Variants in GLYR1 observed in about 807,000 individuals in gnomAD.
GLYR1 encodes the protein glyoxylate reductase 1 homolog.
A neutral mutation model predicts 72.7 loss-of-function variants in GLYR1; 21 were observed. The observed-to-expected ratio is 0.29, with a 90% confidence interval of 0.20 to 0.42. GLYR1 has a LOEUF of 0.42. Among genes scored for constraint, GLYR1 ranks in the 10% least tolerant of loss-of-function variants. The pLI is 1.00. For missense variants in GLYR1, 594 were observed against 712.1 expected (o/e 0.83, Z 1.89); for synonymous variants, 392 against 270.2 (o/e 1.45, Z -4.42).
intron 15 of GLYR1, among the ~76,000 whole-genome samples, chr16:4,806,546 T>C (rs747174253): frequency 1.3e-5 from 2 of 151,402 alleles, no homozygotes; most frequent in African/African-American, 2.4e-5. Context: ...TTATTTTTTT[T>C]TGTACAGATG....
At chr16:4,805,639 G>A (rs1239597429) in intron 15 of GLYR1, among the ~76,000 whole-genome samples, 5 of 152,132 alleles carry the variant, frequency 3.3e-5, no homozygotes, top group East Asian at 3.8e-4. Flanking sequence ...TCAGGAGTTC[G>A]AGACCAGCCA....
chr16:4,835,729 G>A (rs1346149718), intron 3 of GLYR1, among the ~76,000 whole-genome samples: 1 of 152,144 alleles, frequency 6.6e-6, no homozygotes, highest in African/African-American at 2.4e-5. Flanking sequence ...TACTCGGAAG[G>A]CTGAGACAGG....
At chr16:4,807,110 T>C (rs1473851871) in intron 15 of GLYR1, among the ~76,000 whole-genome samples, 2,031 of 140,646 alleles carry the variant, frequency 0.014, 21 homozygotes, top group African/African-American at 0.026. Flanking sequence ...CTGGCCCCTT[T>C]TTTTTTTTTT....
Position 4,842,398 on chromosome 16 carries a change from G to A in GLYR1, c.155+2676C>T, listed in dbSNP as rs564126214. Among the ~76,000 whole-genome samples, 4 of 152,252 alleles carry A rather than the reference G, an allele frequency of 2.6e-5. 1 individual carries two copies. In the South Asian group the frequency reaches 6.2e-4, roughly 24 times the overall value. On this transcript the variant is annotated intron_variant, in intron 3 of 15. Coordinates refer to ENST00000321919, the MANE Select transcript of GLYR1 (RefSeq NM_032569.4). ...AGGGTCTAGCTCTGTCACCCAGACT[G>A]GAGTGCAATATTGTGATCATGGCTC...
intron 10 of GLYR1, among the ~76,000 whole-genome samples, chr16:4,816,859 C>T (rs775837608): frequency 2.8e-4 from 43 of 151,590 alleles, no homozygotes; most frequent in Non-Finnish European, 5.0e-4. Context: ...TGGTGGCGCG[C>T]GCCTGTAATC....
At chr16:4,827,697 G>A (rs2084483313) in intron 5 of GLYR1, among the ~76,000 whole-genome samples, 1 of 151,652 alleles carries the variant, frequency 6.6e-6, no homozygotes, top group Admixed American at 6.6e-5. Context: ...TCAGGAGATC[G>A]ACACCATCCT....
At chr16:4,846,809 T>C (rs940466441) in intron 1 of GLYR1, 4 of 269,564 alleles carry the variant, frequency 1.5e-5, no homozygotes, top group Admixed American at 1.1e-4. Flanking sequence ...ACAGGTCGGC[T>C]GCATCGCAAC....
chr16:4,831,157 A>G (rs1476539593), intron 5 of GLYR1, among the ~76,000 whole-genome samples: 2 of 152,122 alleles, frequency 1.3e-5, no homozygotes, highest in Non-Finnish European at 1.5e-5. Context: ...CATCCTCTAT[A>G]TAACCAATTA....
chr16:4,845,037 G>T, intron 3 of GLYR1, 37 bp downstream of exon 3: 1 of 1,396,802 alleles, frequency 7.2e-7, no homozygotes, highest in South Asian at 1.2e-5. Context: ...AACACAGAAA[G>T]AAAGGCGAAG....
chr16:4,837,846 G>A (rs999656391), intron 3 of GLYR1, among the ~76,000 whole-genome samples: 48 of 152,008 alleles, frequency 3.2e-4, no homozygotes, highest in Admixed American at 1.0e-3. Context: ...CAGGATAATC[G>A]CTTGAACCCA....
At chr16:4,833,187 A>C (rs1391289624) in intron 3 of GLYR1, 1 of 286,166 alleles carries the variant, frequency 3.5e-6, no homozygotes, top group East Asian at 6.4e-5. Context: ...CAGATTATTT[A>C]TTTCCACAAT....
chr16:4,832,388 A>G, intron 4 of GLYR1, 167 bp from the exon 5 acceptor site: 1 of 790,062 alleles, frequency 1.3e-6, no homozygotes, highest in Non-Finnish European at 2.0e-6. Flanking sequence ...AAGCAGATTT[A>G]AAAAATATAT....
Position 4,812,160 on chromosome 16 carries a change from G to A in GLYR1, c.1208C>T (p.Ala403Val), listed in dbSNP as rs149611256. Residue 403 changes from alanine to valine, a missense_variant, in exon 13 of 16, where the codon GCG becomes GTG. Ala to Val is a moderately conservative substitution (Grantham distance 64). Coordinates refer to ENST00000321919, the MANE Select transcript of GLYR1 (RefSeq NM_032569.4). The part of the protein sequence containing the change: ...LSNDGMLVIL[A>V]AGDRGLYEDC... ...CTCATATAAGCCCCTGTCTCCAGCCGCTAAGATCACCAACATCCCGTCATT... is the reference window on the plus strand; with the variant it reads ...CTCATATAAGCCCCTGTCTCCAGCCACTAAGATCACCAACATCCCGTCATT... The A allele has an allele frequency of 1.9e-6, 3 of 1,614,016 alleles. No individual in the cohort carries two copies. Among genetic ancestry groups the A allele is most frequent in the Non-Finnish European group, 1.7e-6 (2 of 1,180,034 alleles).
At chr16:4,813,710 G>C (rs764477403) in intron 12 of GLYR1, 27 bp downstream of exon 12, 37 of 1,554,306 alleles carry the variant, frequency 2.4e-5, no homozygotes, top group Middle Eastern at 1.7e-4. Context: ...AAAGATGCTG[G>C]AGAGCCAGCC....
chr16:4,808,889 C>G (rs2083155514), intron 15 of GLYR1, among the ~76,000 whole-genome samples: 1 of 151,994 alleles, frequency 6.6e-6, no homozygotes, highest in Non-Finnish European at 1.5e-5. Context: ...TTGCTTGAGC[C>G]TAGGAAGTCA....
intron 3 of GLYR1, among the ~76,000 whole-genome samples, chr16:4,836,511 G>A (rs2085141099): frequency 6.6e-6 from 1 of 152,206 alleles, no homozygotes; most frequent in South Asian, 2.1e-4. Flanking sequence ...TTTATGTACA[G>A]TAGAATGAAT....
In GLYR1 at chr16:4,814,656, G is replaced by C; in HGVS notation, c.907-9C>G. ...TGGATGAACAAATCACACTGCAAAA[G>C]TCACAGATCCTAACGTGAGCTGCAG... On this transcript the variant is annotated splice_polypyrimidine_tract_variant and intron_variant, in intron 10 of 15. Transcript: ENST00000321919. 6.2e-7 allele frequency: 1 copy of C among 1,601,908 alleles called. No individual in the cohort carries two copies. The highest frequency in any genetic ancestry group is 8.6e-7 in the Non-Finnish European group (1 of 1,169,024).
chr16:4,838,299 G>C (rs2085295988), intron 3 of GLYR1, among the ~76,000 whole-genome samples: 1 of 152,176 alleles, frequency 6.6e-6, no homozygotes, highest in Non-Finnish European at 1.5e-5. Flanking sequence ...CATCCAGCGA[G>C]ACCGGTCCAC....
At chr16:4,845,477 C>T (rs1222000762) in intron 2 of GLYR1, among the ~76,000 whole-genome samples, 1 of 152,152 alleles carries the variant, frequency 6.6e-6, no homozygotes, top group Admixed American at 6.5e-5. Flanking sequence ...AGATCAACAG[C>T]ATCCCCTGCC....
Sources: gnomAD v4.1 joint callset for allele counts (sites outside exome capture counted in the v4.1 genomes callset) on GRCh38, gnomAD v4.1.1 for gene constraint, MANE v1.5 for transcripts, NCBI Gene and HGNC (gene_info 2026-07-23, HGNC 2026-07-21) for gene names.